Variants in ARHGEF4 observed in about 807,000 individuals in gnomAD.
ARHGEF4 encodes the protein Rho guanine nucleotide exchange factor 4.
A neutral mutation model predicts 162.0 loss-of-function variants in ARHGEF4; 119 were observed. That is an observed-to-expected ratio of 0.73 (90% CI 0.63 to 0.86). ARHGEF4 has a LOEUF of 0.86. Among genes scored for constraint, ARHGEF4 ranks in the 40% least tolerant of loss-of-function variants. The probability of loss-of-function intolerance (pLI) is 0.00; values close to 1 mark genes in which losing one functional copy is unlikely to be tolerated. For synonymous variants in ARHGEF4, 1,014 were observed against 979.9 expected (o/e 1.03, Z -0.65); for missense variants, 2,488 against 2,456.0 (o/e 1.01, Z -0.28).
At chr2:130,946,358 G>A in intron 3 of ARHGEF4, 151 bp from the exon 4 acceptor site, 1 of 923,576 alleles carries the variant, frequency 1.1e-6, no homozygotes, top group Admixed American at 2.6e-5. Flanking sequence ...GAGTTTTGAT[G>A]TGAAAGGCAT....
chr2:130,842,618 C>T (rs973644152), intron 1 of ARHGEF4, among the ~76,000 whole-genome samples: 1 of 152,158 alleles, frequency 6.6e-6, no homozygotes, highest in African/African-American at 2.4e-5. Flanking sequence ...GTCACTTGGC[C>T]ACCATTGATA....
At chr2:130,962,649 C>T (rs938812282) in intron 4 of ARHGEF4, among the ~76,000 whole-genome samples, 9 of 152,092 alleles carry the variant, frequency 5.9e-5, no homozygotes, top group Non-Finnish European at 1.3e-4. Context: ...GGGCAGGGCA[C>T]CAAATGCCCA....
rs185402810 is a variant in ARHGEF4, at chr2:130,985,670, G to C, written c.3985+39035G>C. Among the ~76,000 whole-genome samples, 7 of 152,292 alleles carry C rather than the reference G, an allele frequency of 4.6e-5. No homozygotes were observed. In the East Asian group the frequency reaches 1.3e-3, roughly 29 times the overall value. Reference sequence around the variant, plus strand: ...ATACAAGTTTCAGACTTCAACAGCAGAAGGATCCATTTCTATGTTTATGCA... The same window carrying C: ...ATACAAGTTTCAGACTTCAACAGCACAAGGATCCATTTCTATGTTTATGCA... On this transcript the variant is annotated intron_variant, in intron 4 of 13. Coordinates refer to ENST00000409359, the MANE Select transcript of ARHGEF4 (RefSeq NM_001367493.1).
At chr2:131,040,486 A>G (rs781642969) in intron 8 of ARHGEF4, 46 bp downstream of exon 8, 16 of 1,486,998 alleles carry the variant, frequency 1.1e-5, no homozygotes, top group Non-Finnish European at 1.4e-5. Flanking sequence ...GCGTTCACAG[A>G]GGCTGCCGCG....
intron 1 of ARHGEF4, among the ~76,000 whole-genome samples, chr2:130,868,791 C>T (rs75779644): frequency 0.036 from 5,441 of 152,244 alleles, 189 homozygotes; most frequent in East Asian, 0.1. Context: ...CAAAGCCAGC[C>T]GCACTGGGCT....
chr2:130,963,905 G>GGCCCGGAGCGGCGGCC (rs1558776919), intron 4 of ARHGEF4: 2 of 141,080 alleles, frequency 1.4e-5, no homozygotes, highest in Admixed American at 6.9e-5. Flanking sequence ...GATGTCAGCC[G>GGCCCGGAGCGGCGGCC]GCCCGCACGC....
intron 4 of ARHGEF4, among the ~76,000 whole-genome samples, chr2:131,002,665 G>A (rs572073834): frequency 9.3e-5 from 12 of 128,512 alleles, no homozygotes; most frequent in African/African-American, 3.2e-4. Flanking sequence ...AGCCGAGATC[G>A]CACCACTGCA....
At chr2:130,893,634 G>A (rs1031726126) in intron 1 of ARHGEF4, among the ~76,000 whole-genome samples, 1 of 152,184 alleles carries the variant, frequency 6.6e-6, no homozygotes, top group Non-Finnish European at 1.5e-5. Flanking sequence ...CGGGCAGGGT[G>A]GGAGGCAGGC....
Position 131,006,007 on chromosome 2 carries a change from C to T in ARHGEF4, c.3986-21938C>T, listed in dbSNP as rs977688944. ...AATCATATGAGCCCTTAAAAGCAGC[C>T]GAAGAAGCCAGGAGAGGAGCTAAGA... On this transcript the variant is annotated intron_variant, in intron 4 of 13. Transcript: ENST00000409359. Among the ~76,000 whole-genome samples, 7 of 152,070 alleles carry T rather than the reference C, an allele frequency of 4.6e-5. No individual in the cohort carries two copies. The East Asian group carries it at 7.7e-4, about 17-fold the overall frequency.
intron 1 of ARHGEF4, among the ~76,000 whole-genome samples, chr2:130,874,670 C>A (rs1293172344): frequency 6.6e-6 from 1 of 152,156 alleles, no homozygotes; most frequent in Non-Finnish European, 1.5e-5. Context: ...CTGGTAGCAT[C>A]TTGCAAAATT....
At chr2:130,838,921 T>A (rs1177244147) in intron 1 of ARHGEF4, among the ~76,000 whole-genome samples, 1 of 152,172 alleles carries the variant, frequency 6.6e-6, no homozygotes, top group East Asian at 1.9e-4. Context: ...GGGAGGCTCC[T>A]GGGATTTGGC....
At chr2:131,037,317 C>G (rs1690372854) in intron 5 of ARHGEF4, among the ~76,000 whole-genome samples, 1 of 152,238 alleles carries the variant, frequency 6.6e-6, no homozygotes, top group South Asian at 2.1e-4. Context: ...CAAGCAGGCT[C>G]TGGAGCTTCA....
chr2:130,864,895 C>T (rs977360531), intron 1 of ARHGEF4, among the ~76,000 whole-genome samples: 1 of 152,200 alleles, frequency 6.6e-6, no homozygotes, highest in Non-Finnish European at 1.5e-5. Flanking sequence ...CCTTTTTAAA[C>T]AGCGTGTGAG....
At chr2:131,045,494 G>A (rs900751662) in intron 13 of ARHGEF4, 48 bp downstream of exon 13, 9 of 1,613,488 alleles carry the variant, frequency 5.6e-6, no homozygotes, top group African/African-American at 4.0e-5. Flanking sequence ...TCCTTACCCT[G>A]CTGACATCAT....
chr2:130,853,750 C>T (rs1681574044), intron 1 of ARHGEF4, among the ~76,000 whole-genome samples: 1 of 152,210 alleles, frequency 6.6e-6, no homozygotes, highest in Non-Finnish European at 1.5e-5. Flanking sequence ...TGAGCAGCAG[C>T]CTTGCTTGTG....
chr2:130,892,842 T>C (rs1198056379), intron 1 of ARHGEF4, among the ~76,000 whole-genome samples: 1 of 152,150 alleles, frequency 6.6e-6, no homozygotes, highest in Non-Finnish European at 1.5e-5. Context: ...AGGGTGCAGC[T>C]TGGGGCACCC....
At chr2:130,987,405 C>T (rs546039123) in intron 4 of ARHGEF4, among the ~76,000 whole-genome samples, 1 of 152,262 alleles carries the variant, frequency 6.6e-6, no homozygotes, top group South Asian at 2.1e-4. Context: ...AAAGATGGCA[C>T]GGGTGAGCGG....
intron 1 of ARHGEF4, among the ~76,000 whole-genome samples, chr2:130,856,626 A>G (rs1012163606): frequency 1.3e-5 from 2 of 152,210 alleles, no homozygotes; most frequent in Non-Finnish European, 2.9e-5. Flanking sequence ...TTAACTGTTT[A>G]GAAAGTGATT....
intron 1 of ARHGEF4, among the ~76,000 whole-genome samples, chr2:130,901,682 G>A (rs1574192218): frequency 2.6e-5 from 4 of 151,974 alleles, no homozygotes; most frequent in Non-Finnish European, 4.4e-5. Context: ...CACCACACCC[G>A]GCTAATTTTT....
Sources: gnomAD v4.1 joint callset for allele counts (sites outside exome capture counted in the v4.1 genomes callset) on GRCh38, gnomAD v4.1.1 for gene constraint, MANE v1.5 for transcripts, NCBI Gene and HGNC (gene_info 2026-07-23, HGNC 2026-07-21) for gene names.